Variants in SEMA3A observed in about 807,000 individuals in gnomAD.
The protein encoded by SEMA3A is semaphorin-3A.
In SEMA3A, 29 loss-of-function variants were observed where a neutral mutation model predicts 97.9. The observed-to-expected ratio is 0.30, with a 90% CI of 0.22 to 0.40. SEMA3A has a LOEUF of 0.40. SEMA3A is among the 10% of genes least tolerant of loss of function. The probability of loss-of-function intolerance (pLI) is 1.00; values close to 1 mark genes in which losing one functional copy is unlikely to be tolerated. For missense variants in SEMA3A, 763 were observed against 951.3 expected, an observed-to-expected ratio of 0.80 and a Z score of 2.60; for synonymous variants, 321 against 323.7, an observed-to-expected ratio of 0.99 and a Z score of 0.09.
chr7:84,455,249 A>G (rs1307011581), intron 1 of SEMA3A, among the ~76,000 whole-genome samples: 1 of 151,970 alleles, frequency 6.6e-6, no homozygotes, highest in South Asian at 2.1e-4. Flanking sequence ...TTAAAAATAA[A>G]ACAGGTAGTT....
At chr7:83,980,607 A>AAAAAAAAAAAACAAAC (rs1562951973) in intron 14 of SEMA3A, among the ~76,000 whole-genome samples, 1 of 53,126 alleles carries the variant, frequency 1.9e-5, no homozygotes, top group Non-Finnish European at 3.8e-5. Flanking sequence ...CCATCTCAAA[A>AAAAAAAAAAAACAAAC]AAAAAAAAAA....
At chr7:84,323,887 T>A (rs958644972) in intron 2 of SEMA3A, among the ~76,000 whole-genome samples, 4 of 152,196 alleles carry the variant, frequency 2.6e-5, no homozygotes, top group African/African-American at 9.6e-5. Context: ...ACAATAGAAA[T>A]ATTTACATCA....
chr7:84,155,584 T>C (rs1391287150), intron 1 of SEMA3A, among the ~76,000 whole-genome samples: 6 of 152,182 alleles, frequency 3.9e-5, no homozygotes, highest in African/African-American at 7.2e-5. Flanking sequence ...TGCAGTGTTC[T>C]TGGCTTGCAT....
intron 6 of SEMA3A, among the ~76,000 whole-genome samples, chr7:84,045,298 A>G (rs1792305247): frequency 6.6e-6 from 1 of 152,120 alleles, no homozygotes; most frequent in Admixed American, 6.6e-5. Flanking sequence ...TTATTAATGA[A>G]TTATGTAAAA....
chr7:84,240,466 TG>T (rs1337893084), intron 3 of SEMA3A, among the ~76,000 whole-genome samples: 1 of 151,964 alleles, frequency 6.6e-6, no homozygotes, highest in Non-Finnish European at 1.5e-5. Context: ...CCATGGAAGA[TG>T]GAAGTAGAAA....
intron 4 of SEMA3A, among the ~76,000 whole-genome samples, chr7:84,092,828 A>G (rs1252340070): frequency 6.6e-6 from 1 of 152,132 alleles, no homozygotes; most frequent in Non-Finnish European, 1.5e-5. Context: ...CTACATAAGG[A>G]CTGTAACAGA....
chr7:84,467,491 C>T (rs192468689), intron 1 of SEMA3A, among the ~76,000 whole-genome samples: 195 of 142,168 alleles, frequency 1.4e-3, no homozygotes, highest in African/African-American at 4.5e-3. Context: ...CACTGCACTG[C>T]ATTCCAGCCT....
intron 1 of SEMA3A, among the ~76,000 whole-genome samples, chr7:84,446,777 T>C (rs892396740): frequency 2.6e-5 from 4 of 152,162 alleles, no homozygotes; most frequent in Admixed American, 2.6e-4. Context: ...CTGATGGTAG[T>C]GGTGGCCCAT....
intron 1 of SEMA3A, among the ~76,000 whole-genome samples, chr7:84,385,954 C>T (rs1338928055): frequency 6.6e-6 from 1 of 152,204 alleles, no homozygotes; most frequent in African/African-American, 2.4e-5. Context: ...CAGTTAATAG[C>T]AGCTCACATA....
intron 6 of SEMA3A, among the ~76,000 whole-genome samples, chr7:84,037,632 G>T (rs568898909): frequency 2.6e-5 from 4 of 151,980 alleles, no homozygotes; most frequent in Admixed American, 1.3e-4. Flanking sequence ...TTAAAATTTA[G>T]CAAATCTTCA....
At chr7:84,074,079 C>T (rs1793851210) in intron 4 of SEMA3A, among the ~76,000 whole-genome samples, 2 of 152,082 alleles carry the variant, frequency 1.3e-5, no homozygotes, top group South Asian at 4.2e-4. Flanking sequence ...AGAGATTATC[C>T]TGATTTTTAA....
intron 1 of SEMA3A, among the ~76,000 whole-genome samples, chr7:84,475,141 A>G (rs1806250171): frequency 6.6e-6 from 1 of 151,912 alleles, no homozygotes; most frequent in South Asian, 2.1e-4. Context: ...GGAGTGGTAC[A>G]GCCCATCTCA....
upstream of SEMA3A, among the ~76,000 whole-genome samples, chr7:84,196,216 C>A (rs920248440): frequency 6.6e-6 from 1 of 151,696 alleles, no homozygotes; most frequent in Non-Finnish European, 1.5e-5. Flanking sequence ...GAGAGTGAGT[C>A]TCACAATTAA....
chr7:84,379,697 G>GA lies in SEMA3A; in HGVS notation c.-245-7798dup, dbSNP rs1204757949. On this transcript the variant is annotated intron_variant, in intron 1 of 3. Coordinates refer to the SEMA3A transcript ENST00000424555. The stretch of plus-strand genomic sequence containing the variant: ...AAGACTGAAGCTGGGGAAAAAAAAA[G>GA]AAAAAAAAGAAAAACAACAAAACTA... Among the ~76,000 whole-genome samples, 19 of 151,448 alleles carry GA rather than the reference G, an allele frequency of 1.3e-4. 2 individuals are homozygous for GA. Among genetic ancestry groups the GA allele is most frequent in the South Asian group, 8.3e-4 (4 of 4,792 alleles).
At chr7:84,409,514 C>A (rs949058558) in intron 1 of SEMA3A, among the ~76,000 whole-genome samples, 4 of 151,962 alleles carry the variant, frequency 2.6e-5, no homozygotes, top group Non-Finnish European at 5.9e-5. Context: ...TAGATCAAGA[C>A]ATGAGGGGGA....
At chr7:84,196,945 T>C (rs1362371323), upstream of SEMA3A, among the ~76,000 whole-genome samples, 4 of 152,188 alleles carry the variant, frequency 2.6e-5, no homozygotes, top group Non-Finnish European at 5.9e-5. Flanking sequence ...ATAAAATTTA[T>C]AAGTGTATCC....
intron 4 of SEMA3A, among the ~76,000 whole-genome samples, chr7:84,101,408 G>C (rs1454465825): frequency 1.3e-5 from 2 of 151,974 alleles, no homozygotes; most frequent in Non-Finnish European, 2.9e-5. Context: ...TTTGTATATT[G>C]GTGAATGTCA....
chr7:84,259,262 A>G (rs1353700273), intron 3 of SEMA3A, among the ~76,000 whole-genome samples: 1 of 152,220 alleles, frequency 6.6e-6, no homozygotes, highest in African/African-American at 2.4e-5. Flanking sequence ...TATGCAACAC[A>G]CAATTTATGA....
chr7:84,351,030 T>C lies in SEMA3A; in HGVS notation c.-169+20794A>G, dbSNP rs569064590. On this transcript the variant is annotated intron_variant, in intron 2 of 3. Transcript: ENST00000424555. ...GTATAAATACAAAGTTATATAAACT[T>C]AGGGAAACACACATGCATGCAGATG... is the stretch of plus-strand genomic sequence containing the variant. Among the ~76,000 whole-genome samples the C allele has an allele frequency of 9.3e-5, 14 of 151,110 alleles. No homozygotes were observed. In the South Asian group the frequency reaches 2.5e-3, roughly 27 times the overall value.
Sources: allele counts gnomAD v4.1 joint callset (sites outside exome capture counted in the v4.1 genomes callset), GRCh38; gene constraint gnomAD v4.1.1; transcripts MANE v1.5; gene names NCBI Gene and HGNC (gene_info 2026-07-23, HGNC 2026-07-21).